FRAS1: variants seen among roughly 807,000 people sequenced by gnomAD.
FRAS1 encodes extracellular matrix organizing protein FRAS1.
FRAS1 carries 290 observed loss-of-function variants against 435.2 expected under a neutral mutation model. The observed-to-expected ratio is 0.67, with a 90% confidence interval of 0.61 to 0.73. The LOEUF is 0.73. Ranked by LOEUF, FRAS1 falls within the 30% of genes least tolerant of loss-of-function variation. The pLI, the probability that FRAS1 is intolerant of heterozygous loss-of-function variation, is 0.00. For missense variants in FRAS1, 4,860 were observed against 5,001.5 expected (o/e 0.97, Z 0.85); for synonymous variants, 1,800 against 1,851.0 (o/e 0.97, Z 0.71).
intron 2 of FRAS1, among the ~76,000 whole-genome samples, chr4:78,130,622 A>G (rs528173483): frequency 2.6e-5 from 4 of 152,190 alleles, no homozygotes; most frequent in Non-Finnish European, 5.9e-5. Flanking sequence ...CCATTCATGC[A>G]TAGTCAGTTA....
intron 35 of FRAS1, among the ~76,000 whole-genome samples, chr4:78,428,619 G>A (rs933720254): frequency 2.6e-5 from 4 of 151,874 alleles, no homozygotes; most frequent in Non-Finnish European, 4.4e-5. Flanking sequence ...CACTGTGCCC[G>A]GCCAAAAGTA....
chr4:78,067,200 T>G (rs548502648), intron 2 of FRAS1, among the ~76,000 whole-genome samples: 1 of 152,194 alleles, frequency 6.6e-6, no homozygotes, highest in Non-Finnish European at 1.5e-5. Context: ...ATACTTATAA[T>G]AGACCAATGA....
chr4:78,105,195 T>A (rs1742335021), intron 2 of FRAS1, among the ~76,000 whole-genome samples: 1 of 152,224 alleles, frequency 6.6e-6, no homozygotes, highest in Admixed American at 6.5e-5. Flanking sequence ...CAGAGTCCTC[T>A]GAAGAGTAAA....
At chr4:78,322,849 A>G (rs1409090299) in intron 18 of FRAS1, among the ~76,000 whole-genome samples, 1 of 152,220 alleles carries the variant, frequency 6.6e-6, no homozygotes, top group Admixed American at 6.5e-5. Context: ...ATTTCTAGGC[A>G]CTGTGAATAT....
Position 78,432,570 on chromosome 4 carries a change from C to T in FRAS1, c.5183C>T (p.Thr1728Ile). Residue 1728 changes from threonine to isoleucine, a missense_variant, in exon 38 of 74, where the codon ACA becomes ATA. Physicochemically the swap from Thr to Ile is moderately conservative, Grantham distance 89. Transcript: ENST00000512123. ...SLSITVASKS[T>I]AIITRSHLAY... is the part of the protein sequence containing the mutation. Reference sequence around the variant, plus strand: ...AGCATTACTGTTGCCAGTAAAAGCACAGCCATAATCACTAGGTCACACCTT... The same window carrying T: ...AGCATTACTGTTGCCAGTAAAAGCATAGCCATAATCACTAGGTCACACCTT... 1 of 1,607,158 alleles carries T rather than the reference C, an allele frequency of 6.2e-7. No individual in the cohort carries two copies. The highest frequency in any genetic ancestry group is 8.5e-7 in the Non-Finnish European group (1 of 1,175,954).
intron 2 of FRAS1, among the ~76,000 whole-genome samples, chr4:78,224,228 A>T (rs1307609824): frequency 3.9e-5 from 6 of 152,238 alleles, no homozygotes; most frequent in African/African-American, 1.4e-4. Context: ...TCCTGAAACC[A>T]GAATCACTTT....
At chr4:78,496,085 T>C (rs2109871017) in intron 59 of FRAS1, among the ~76,000 whole-genome samples, 1 of 152,306 alleles carries the variant, frequency 6.6e-6, no homozygotes, top group East Asian at 1.9e-4. Flanking sequence ...AATATCCTCC[T>C]TCACATCACA....
chr4:78,330,648 A>G (rs548256243), intron 18 of FRAS1, among the ~76,000 whole-genome samples: 2 of 152,328 alleles, frequency 1.3e-5, no homozygotes, highest in South Asian at 4.1e-4. Context: ...GCAGGGGTGA[A>G]ATAGACCCCA....
At position 78,466,420 on chromosome 4, in the gene FRAS1, G is replaced by C; in HGVS notation, c.7242G>C (p.Glu2414Asp). 6.2e-7 allele frequency: 1 copy of C among 1,612,988 alleles called. No homozygotes were observed. The highest frequency in any genetic ancestry group is 1.1e-5 in the South Asian group (1 of 90,918). Residue 2414 changes from glutamate to aspartate, a missense_variant, in exon 50 of 74, where the codon GAG (glutamate) becomes GAC (aspartate). Glu to Asp is a conservative substitution (Grantham distance 45). Transcript: ENST00000512123. ...GGACAAACCCCTTCTTTATCATTGA[G>C]GAAGGGGGAAAAGAGGTGAGGGGTG... ...SDGTNPFFII[E>D]EGGKEIMTAA...
At chr4:78,167,102 A>G (rs1050822295) in intron 2 of FRAS1, among the ~76,000 whole-genome samples, 2 of 152,244 alleles carry the variant, frequency 1.3e-5, no homozygotes, top group African/African-American at 4.8e-5. Flanking sequence ...CTAACTAATA[A>G]TACCAATTAT....
In FRAS1 at chr4:78,282,681, G is replaced by A. The variant is rs7688218; in HGVS notation, c.1108-139G>A. ...TTTAGGACTCTTTTGCTATTGTTCTGTTTCAGAGTTAGATTTGGCAGAGTA... is the reference window on the plus strand; with the variant it reads ...TTTAGGACTCTTTTGCTATTGTTCTATTTCAGAGTTAGATTTGGCAGAGTA... On this transcript the variant is annotated intron_variant, in intron 11 of 73. Coordinates refer to ENST00000512123, the MANE Select transcript of FRAS1 (RefSeq NM_025074.7). 7,051 of 848,468 alleles carry A rather than the reference G, an allele frequency of 8.3e-3. 363 individuals are homozygous for A. In the African/African-American group the frequency reaches 0.11, roughly 13 times the overall value. 52.6% of individuals were successfully genotyped at this position (848,468 alleles called of 1,614,324 possible).
intron 13 of FRAS1, 146 bp from the exon 14 acceptor site, chr4:78,286,259 A>G: frequency 1.2e-6 from 1 of 860,710 alleles, no homozygotes; most frequent in East Asian, 2.4e-5. Flanking sequence ...TGCTATACAG[A>G]TGATGGCTGT....
intron 2 of FRAS1, among the ~76,000 whole-genome samples, chr4:78,112,107 T>C (rs969954032): frequency 6.6e-6 from 1 of 152,166 alleles, no homozygotes; most frequent in African/African-American, 2.4e-5. Flanking sequence ...TTTTTCTGTA[T>C]TTTTCATATC....
intron 9 of FRAS1, among the ~76,000 whole-genome samples, chr4:78,273,922 C>A (rs112290117): frequency 1.3e-5 from 2 of 152,066 alleles, no homozygotes; most frequent in Non-Finnish European, 2.9e-5. Context: ...TGGTAGAATT[C>A]GGCTGTGAAT....
At chr4:78,476,404 T>C (rs865880426) in intron 54 of FRAS1, among the ~76,000 whole-genome samples, 5 of 143,910 alleles carry the variant, frequency 3.5e-5, no homozygotes, top group African/African-American at 9.9e-5. Context: ...TCAACTTAAA[T>C]AGTCAACAAA....
At chr4:78,213,019 C>T (rs2110086876) in intron 2 of FRAS1, among the ~76,000 whole-genome samples, 1 of 152,258 alleles carries the variant, frequency 6.6e-6, no homozygotes, top group Admixed American at 6.5e-5. Flanking sequence ...GGTTTTGCAC[C>T]TCCTTATGGA....
chr4:78,340,928 C>G (rs886249006), intron 20 of FRAS1, among the ~76,000 whole-genome samples: 12 of 152,216 alleles, frequency 7.9e-5, no homozygotes, highest in Admixed American at 6.5e-4. Context: ...TTTAAAGGCC[C>G]TATATCCAAC....
chr4:78,266,902 C>G lies in FRAS1; in HGVS notation c.756C>G (p.His252Gln), dbSNP rs777668628. The G allele has an allele frequency of 1.4e-5, 22 of 1,607,914 alleles. No homozygotes were observed. The highest frequency in any genetic ancestry group is 1.7e-5 in the Non-Finnish European group (20 of 1,177,114). Residue 252 changes from histidine to glutamine, a missense_variant, in exon 8 of 74, where the codon CAC becomes CAG. Coordinates refer to ENST00000512123, the MANE Select transcript of FRAS1 (RefSeq NM_025074.7). ...CICDRGEVRC[H>Q]KQACLPLRCG... ...GTGACCGGGGTGAGGTCAGGTGTCA[C>G]AAGCAGGCCTGCCTGCCCCTGAGAT...
At position 78,540,873 on chromosome 4, in the gene FRAS1, T is replaced by C. The variant is rs772635418; in HGVS notation, c.11788T>C (p.Cys3930Arg). 5 of 1,613,866 alleles carry C rather than the reference T, an allele frequency of 3.1e-6. No individual in the cohort carries two copies. The highest frequency in any genetic ancestry group is 4.2e-6 in the Non-Finnish European group (5 of 1,179,884). The change falls in exon 74 of 74, where the codon TGC (cysteine) becomes CGC (arginine). Residue 3930 changes from cysteine to arginine, a missense_variant. Transcript: ENST00000512123. ...FLVACFINRK[C>R]QKQRKKKPAE... is the part of the protein sequence containing the mutation. ...GGTGGCTTGTTTTATCAACAGGAAA[T>C]GCCAGAAACAGAGGAAGAAGAAGCC... is the stretch of plus-strand genomic sequence containing the variant.
Sources: gnomAD v4.1 joint callset for allele counts (sites outside exome capture counted in the v4.1 genomes callset) on GRCh38, gnomAD v4.1.1 for gene constraint, MANE v1.5 for transcripts, NCBI Gene and HGNC (gene_info 2026-07-23, HGNC 2026-07-21) for gene names.